Variants in TM4SF18 observed in about 807,000 individuals in gnomAD.
TM4SF18 encodes transmembrane 4 L6 family member 18.
A neutral mutation model predicts 23.8 loss-of-function variants in TM4SF18; 22 were observed. The ratio of observed to expected loss-of-function variants is 0.92; its 90% confidence interval spans 0.66 to 1.32. TM4SF18 has a LOEUF of 1.32. Among genes scored for constraint, TM4SF18 ranks in the 40% most tolerant of loss-of-function variants. TM4SF18 has a pLI of 0.00. For missense variants in TM4SF18, 255 were observed against 240.3 expected, an observed-to-expected ratio of 1.06 and a Z score of -0.41; for synonymous variants, 87 against 87.9, an observed-to-expected ratio of 0.99 and a Z score of 0.06.
intron 3 of TM4SF18, among the ~76,000 whole-genome samples, chr3:149,329,197 C>CAT: frequency 6.8e-6 from 1 of 147,844 alleles, no homozygotes; most frequent in East Asian, 2.0e-4. Context: ...CACACACACA[C>CAT]GAGTGTATTT....
At position 149,321,171 on chromosome 3, in the gene TM4SF18, A is replaced by C. The variant is rs763790909; in HGVS notation, c.*307T>G. Reference sequence around the variant, plus strand: ...TTTCCAGAATATTAAATAATGTTGCAATATACATATTTGCATAAAGGTTTC... The same window carrying C: ...TTTCCAGAATATTAAATAATGTTGCCATATACATATTTGCATAAAGGTTTC... On this transcript the variant is annotated 3_prime_UTR_variant, in exon 6 of 6. Transcript: ENST00000296059. 6 of 233,442 alleles carry C rather than the reference A, an allele frequency of 2.6e-5. No individual in the cohort carries two copies. Among genetic ancestry groups the C allele is most frequent in the Non-Finnish European group, 5.0e-5 (6 of 119,784 alleles). 14.5% of individuals were successfully genotyped at this position (233,442 alleles called of 1,614,324 possible).
intron 5 of TM4SF18, among the ~76,000 whole-genome samples, chr3:149,321,839 G>T (rs772012339): frequency 2.0e-5 from 3 of 152,146 alleles, no homozygotes; most frequent in Admixed American, 1.3e-4. Context: ...CGAGATAAAG[G>T]TTCATTAGTT....
chr3:149,327,666 C>G (rs1730984192), intron 3 of TM4SF18, among the ~76,000 whole-genome samples: 1 of 152,114 alleles, frequency 6.6e-6, no homozygotes, highest in African/African-American at 2.4e-5. Context: ...GTAAGACCAA[C>G]AAACCTGTGA....
chr3:149,330,242 T>A (rs914255652), intron 3 of TM4SF18, 88 bp downstream of exon 3: 1 of 814,058 alleles, frequency 1.2e-6, no homozygotes, highest in Admixed American at 2.1e-5. Context: ...AGTGAGGGTA[T>A]AATACTGTCA....
In TM4SF18 at chr3:149,322,989, G is replaced by A. The variant is rs1238912725; in HGVS notation, c.411-553C>T. On this transcript the variant is annotated intron_variant, in intron 4 of 5. Transcript: ENST00000296059. ...CGCATCTTCGCTCACTGCAAGCTCCGCCTCCCTGGTTCACGCCATTCTCCT... is the reference window on the plus strand; with the variant it reads ...CGCATCTTCGCTCACTGCAAGCTCCACCTCCCTGGTTCACGCCATTCTCCT... Among the ~76,000 whole-genome samples the A allele has an allele frequency of 4.0e-5, 6 of 149,896 alleles. No individual in the cohort carries two copies. In the East Asian group the frequency reaches 5.9e-4, roughly 15 times the overall value.
chr3:149,324,962 T>G lies in TM4SF18; in HGVS notation c.328A>C (p.Ile110Leu). 1 of 1,614,106 alleles carries G rather than the reference T, an allele frequency of 6.2e-7. No individual in the cohort carries two copies. Among genetic ancestry groups the G allele is most frequent in the Non-Finnish European group, 8.5e-7 (1 of 1,180,002 alleles). The change falls in exon 4 of 6, where the codon ATC becomes CTC. Residue 110 changes from isoleucine to leucine, a missense_variant. Transcript: ENST00000296059. The stretch of plus-strand genomic sequence containing the variant: ...CCTTGGACAAGACCCAAGGCAGAGA[T>G]GACCAGGCAGTATCCAGAAAAAGCA... ...GIAFSGYCLV[I>L]SALGLVQGPY...
At position 149,321,326 on chromosome 3, in the gene TM4SF18, C is replaced by G. The variant is rs190494590; in HGVS notation, c.*152G>C. The G allele has an allele frequency of 4.1e-6, 2 of 486,870 alleles. No individual in the cohort carries two copies. Among genetic ancestry groups the G allele is most frequent in the East Asian group, 6.3e-5 (2 of 31,646 alleles). 30.2% of individuals were successfully genotyped at this position (486,870 alleles called of 1,614,324 possible). The stretch of plus-strand genomic sequence containing the variant: ...ACATACTAAATGGAAGGGTGGTATA[C>G]TTGCATGTGCAGTGAGGACTGCAAA... On this transcript the variant is annotated 3_prime_UTR_variant, in exon 6 of 6. Transcript: ENST00000296059.
chr3:149,329,259 A>T (rs1731031827), intron 3 of TM4SF18, among the ~76,000 whole-genome samples: 1 of 152,106 alleles, frequency 6.6e-6, no homozygotes, highest in Non-Finnish European at 1.5e-5. Context: ...AAAGCAACGA[A>T]TTTAATTTTT....
chr3:149,330,492 C>T (rs966697103), intron 2 of TM4SF18, 73 bp from the exon 3 acceptor site: 14 of 993,452 alleles, frequency 1.4e-5, no homozygotes, highest in South Asian at 9.4e-5. Flanking sequence ...CAGAGGACAG[C>T]GTCTTCAAGC....
intron 2 of TM4SF18, 36 bp downstream of exon 2, chr3:149,333,170 C>T (rs775093586): frequency 6.4e-7 from 1 of 1,567,736 alleles, no homozygotes; most frequent in Non-Finnish European, 8.7e-7. Flanking sequence ...AATTACAACT[C>T]CCCCTTCTCT....
intron 1 of TM4SF18, 56 bp downstream of exon 1, chr3:149,333,457 T>C: frequency 8.9e-7 from 1 of 1,118,838 alleles, no homozygotes; most frequent in Non-Finnish European, 1.2e-6. Flanking sequence ...TCTTCCTACC[T>C]GACCTTTTTT....
rs776752744 is a variant in TM4SF18 at position 149,320,554 on chromosome 3, A to G, written c.*924T>C. On this transcript the variant is annotated 3_prime_UTR_variant, in exon 6 of 6. Transcript: ENST00000296059. ...CTTCTAGTCCATCACACTCACCCTC[A>G]GGAGTCAGAAAGGAAGAGCAAGAGT... is the stretch of plus-strand genomic sequence containing the variant. 5.3e-5 allele frequency: 8 copies of G among 152,174 alleles called. No individual in the cohort carries two copies. Among genetic ancestry groups the G allele is most frequent in the Non-Finnish European group, 1.2e-4 (8 of 68,032 alleles). 9.4% of individuals were successfully genotyped at this position (152,174 alleles called of 1,614,324 possible).
In TM4SF18 at chr3:149,327,394, A is replaced by G. The variant is rs555804811; in HGVS notation, c.268-2372T>C. On this transcript the variant is annotated intron_variant, in intron 3 of 5. Coordinates refer to ENST00000296059, the MANE Select transcript of TM4SF18 (RefSeq NM_138786.4). ...AAAGATAAGGATCCAGCTTGGAGAC[A>G]GATGCAAGTTGAGGTGACAAAGACA... 1.1e-4 allele frequency among the ~76,000 whole-genome samples: 16 copies of G among 152,240 alleles called. No homozygotes were observed. The South Asian group carries it at 3.3e-3, about 32-fold the overall frequency.
chr3:149,321,452 G>C lies in TM4SF18; in HGVS notation c.*26C>G. 1 of 1,543,752 alleles carries C rather than the reference G, an allele frequency of 6.5e-7. No homozygotes were observed. The highest frequency in any genetic ancestry group is 2.3e-5 in the East Asian group (1 of 43,536). On this transcript the variant is annotated 3_prime_UTR_variant, in exon 6 of 6. Coordinates refer to ENST00000296059, the MANE Select transcript of TM4SF18 (RefSeq NM_138786.4). ...ATATTTAGATAGATGGCCATGTCTT[G>C]ATAATGGAAAACATTTTGTCCTTAT...
At chr3:149,325,261 A>T (rs1730915935) in intron 3 of TM4SF18, among the ~76,000 whole-genome samples, 1 of 152,176 alleles carries the variant, frequency 6.6e-6, no homozygotes, top group African/African-American at 2.4e-5. Context: ...TACTAAATTT[A>T]TTCTTTCCTT....
In TM4SF18 at chr3:149,325,678, T is replaced by C. The variant is rs555124105; in HGVS notation, c.268-656A>G. Among the ~76,000 whole-genome samples, 3 of 152,214 alleles carry C rather than the reference T, an allele frequency of 2.0e-5. No homozygotes were observed. In the South Asian group the frequency reaches 6.2e-4, roughly 32 times the overall value. On this transcript the variant is annotated intron_variant, in intron 3 of 5. Transcript: ENST00000296059. The stretch of plus-strand genomic sequence containing the variant: ...AGACAGATTGACATGGTACTAATGC[T>C]GGGAAAACAAGGTTGATAGGGCACA...
chr3:149,330,249 G>T, intron 3 of TM4SF18, 81 bp downstream of exon 3: 2 of 880,418 alleles, frequency 2.3e-6, no homozygotes, highest in Non-Finnish European at 3.7e-6. Flanking sequence ...GTATAATACT[G>T]TCAATATTTT....
intron 3 of TM4SF18, among the ~76,000 whole-genome samples, chr3:149,328,287 C>T (rs912284682): frequency 2.0e-5 from 3 of 152,140 alleles, no homozygotes; most frequent in Non-Finnish European, 4.4e-5. Context: ...TATGTGTCCT[C>T]GCATGGTGCA....
chr3:149,322,597 A>G (rs1296126920), intron 4 of TM4SF18, among the ~76,000 whole-genome samples, 161 bp from the exon 5 acceptor site: 1 of 152,230 alleles, frequency 6.6e-6, no homozygotes, highest in African/African-American at 2.4e-5. Context: ...GACATATCTT[A>G]TGCATAGCAC....
Sources: gnomAD v4.1 joint callset for allele counts (sites outside exome capture counted in the v4.1 genomes callset) on GRCh38, gnomAD v4.1.1 for gene constraint, MANE v1.5 for transcripts, NCBI Gene and HGNC (gene_info 2026-07-23, HGNC 2026-07-21) for gene names.